Variants in DPP10 observed in about 807,000 individuals in gnomAD.
DPP10 encodes inactive dipeptidyl peptidase 10.
Under a neutral mutation model 120.9 loss-of-function variants are expected in DPP10, and 33 were observed. The observed-to-expected ratio is 0.27, with a 90% CI of 0.21 to 0.37. DPP10 has a LOEUF of 0.37. Ranked by LOEUF, DPP10 falls within the 10% of genes least tolerant of loss-of-function variation. DPP10 has a pLI of 1.00. For missense variants in DPP10, 816 were observed against 942.8 expected (o/e 0.87, Z 1.76); for synonymous variants, 337 against 326.1 (o/e 1.03, Z -0.36).
chr2:115,775,074 G>T (rs945027719), intron 13 of DPP10, among the ~76,000 whole-genome samples: 1 of 151,892 alleles, frequency 6.6e-6, no homozygotes, highest in African/African-American at 2.4e-5. Flanking sequence ...AGAACTAAAT[G>T]AGAATACTAC....
intron 5 of DPP10, among the ~76,000 whole-genome samples, chr2:115,592,617 G>T (rs531765723): frequency 1.3e-5 from 2 of 152,000 alleles, no homozygotes; most frequent in African/African-American, 4.8e-5. Context: ...TTAGCTGGGC[G>T]TGGTGGCTTG....
chr2:114,847,658 G>C (rs1688647884), intron 1 of DPP10, among the ~76,000 whole-genome samples: 1 of 152,144 alleles, frequency 6.6e-6, no homozygotes, highest in South Asian at 2.1e-4. Context: ...TTGCATGAGT[G>C]TAATAAGGAA....
At chr2:114,478,594 G>A (rs1332434094) in intron 1 of DPP10, among the ~76,000 whole-genome samples, 1 of 152,004 alleles carries the variant, frequency 6.6e-6, no homozygotes, top group Admixed American at 6.6e-5. Flanking sequence ...AGGAAGGAAG[G>A]AAGGAATGAA....
chr2:114,478,508 C>T (rs1193484974), intron 1 of DPP10, among the ~76,000 whole-genome samples: 3 of 151,942 alleles, frequency 2.0e-5, no homozygotes, highest in Non-Finnish European at 4.4e-5. Context: ...TGTAATAAAG[C>T]AAGAATGTAT....
At chr2:114,850,475 C>T (rs1476324443) in intron 1 of DPP10, among the ~76,000 whole-genome samples, 1 of 152,006 alleles carries the variant, frequency 6.6e-6, no homozygotes, top group Non-Finnish European at 1.5e-5. Context: ...TTTTAATGTG[C>T]ATTGCTTGAT....
intron 1 of DPP10, among the ~76,000 whole-genome samples, chr2:115,024,076 G>C (rs997832930): frequency 3.3e-5 from 5 of 151,836 alleles, no homozygotes; most frequent in East Asian, 1.9e-4. Flanking sequence ...TTGGGTGATG[G>C]GTGCACCAAA....
chr2:114,734,553 T>C (rs1048980702), intron 1 of DPP10, among the ~76,000 whole-genome samples: 1 of 152,124 alleles, frequency 6.6e-6, no homozygotes, highest in Non-Finnish European at 1.5e-5. Flanking sequence ...CCCTGAAATA[T>C]ATAAAACCAA....
At chr2:115,107,461 A>G (rs1478641018) in intron 1 of DPP10, among the ~76,000 whole-genome samples, 3 of 115,594 alleles carry the variant, frequency 2.6e-5, no homozygotes, top group Admixed American at 1.2e-4. Context: ...GGTGCTAGCC[A>G]TAAGATTTAT....
chr2:115,338,970 A>C (rs2063306511), intron 2 of DPP10, among the ~76,000 whole-genome samples: 1 of 152,164 alleles, frequency 6.6e-6, no homozygotes. Flanking sequence ...ATAAATATTG[A>C]TACCTTTTTC....
At chr2:115,815,645 T>G in intron 20 of DPP10, 30 bp from the exon 21 acceptor site, 1 of 1,583,764 alleles carries the variant, frequency 6.3e-7, no homozygotes, top group Non-Finnish European at 8.6e-7. Context: ...CTCACAAAGA[T>G]ATAACTATTG....
chr2:115,461,951 G>A (rs1473758932), intron 3 of DPP10, among the ~76,000 whole-genome samples: 13 of 151,984 alleles, frequency 8.6e-5, no homozygotes, highest in Non-Finnish European at 1.9e-4. Context: ...CCTTTCGTGT[G>A]GACCTTTGGA....
At chr2:115,353,362 A>C (rs1484200321) in intron 3 of DPP10, among the ~76,000 whole-genome samples, 3 of 152,160 alleles carry the variant, frequency 2.0e-5, no homozygotes, top group African/African-American at 7.2e-5. Context: ...CTCTATGTAT[A>C]AAAGTAATGG....
In DPP10 at chr2:115,554,609, C is replaced by T. The variant is rs563775463; in HGVS notation, c.441+28637C>T. Among the ~76,000 whole-genome samples the T allele has an allele frequency of 9.2e-5, 14 of 152,042 alleles. No homozygotes were observed. The East Asian group carries it at 2.7e-3, about 29-fold the overall frequency. The stretch of plus-strand genomic sequence containing the variant: ...TCAGGAGATTTACATAATCTCATAC[C>T]CCAAAGGTAACAATTATTAATGGTT... On this transcript the variant is annotated intron_variant, in intron 5 of 25. Transcript: ENST00000410059.
intron 3 of DPP10, among the ~76,000 whole-genome samples, chr2:115,479,677 T>C (rs2075310439): frequency 6.6e-6 from 1 of 152,090 alleles, no homozygotes; most frequent in Non-Finnish European, 1.5e-5. Flanking sequence ...TGTGATAAAA[T>C]ATGGTCTCCC....
intron 1 of DPP10, among the ~76,000 whole-genome samples, chr2:115,153,239 CAG>C (rs532519970): frequency 4.9e-4 from 75 of 152,202 alleles, no homozygotes; most frequent in African/African-American, 1.8e-3. Context: ...TATTATGAAA[CAG>C]GGTATTTTCT....
chr2:115,471,400 C>G (rs750196101), intron 3 of DPP10, among the ~76,000 whole-genome samples: 14 of 152,180 alleles, frequency 9.2e-5, no homozygotes, highest in Non-Finnish European at 1.9e-4. Context: ...TAGAGTTAAT[C>G]TTATAGGAAT....
chr2:115,737,949 C>T (rs541801635), intron 8 of DPP10, among the ~76,000 whole-genome samples: 3 of 152,252 alleles, frequency 2.0e-5, no homozygotes, highest in Admixed American at 6.5e-5. Flanking sequence ...CCTAGGATAG[C>T]GGTTGCCTCT....
At chr2:115,761,802 C>T (rs937531834) in intron 11 of DPP10, among the ~76,000 whole-genome samples, 1 of 151,874 alleles carries the variant, frequency 6.6e-6, no homozygotes, top group Non-Finnish European at 1.5e-5. Context: ...TTATTATTAA[C>T]AATTTGAGAT....
intron 1 of DPP10, among the ~76,000 whole-genome samples, chr2:114,568,242 G>C (rs756437809): frequency 1.3e-5 from 2 of 151,994 alleles, no homozygotes; most frequent in African/African-American, 2.4e-5. Context: ...AATGTATGAT[G>C]ATCAAGTCAG....
Sources: gnomAD v4.1 joint callset for allele counts (sites outside exome capture counted in the v4.1 genomes callset) on GRCh38, gnomAD v4.1.1 for gene constraint, MANE v1.5 for transcripts, NCBI Gene and HGNC (gene_info 2026-07-23, HGNC 2026-07-21) for gene names.